The following ZNF726 variants were observed in gnomAD, a reference collection of about 807,000 sequenced individuals.
ZNF726 encodes the protein zinc finger protein 92 pseudogene 3.
ZNF726 carries 15 observed loss-of-function variants against 11.6 expected under a neutral mutation model. The observed-to-expected ratio is 1.29, with a 90% CI of 0.86 to 1.99. The LOEUF is 1.99. ZNF726 is among the 30% of genes most tolerant of loss of function. The pLI is 0.00. For synonymous variants in ZNF726, 295 were observed against 243.6 expected, an observed-to-expected ratio of 1.21 and a Z score of -1.96; for missense variants, 890 against 725.6, an observed-to-expected ratio of 1.23 and a Z score of -2.60.
Position 23,933,755 on chromosome 19 carries a change from A to C in ZNF726, c.1639A>C (p.Asn547His), listed in dbSNP as rs1968173890. The C allele has an allele frequency of 1.9e-6, 3 of 1,605,804 alleles. No homozygotes were observed. Among genetic ancestry groups the C allele is most frequent in the Non-Finnish European group, 2.5e-6 (3 of 1,179,380 alleles). ...ATGTGAAGAATGTGGCAAAACTTTT[A>C]ATCAATCCTCAAATCTTAGTACACA... ...YKCEECGKTFNQSSNLSTHKI... is the reference protein window; with the variant it reads ...YKCEECGKTFHQSSNLSTHKI... The change falls in exon 4 of 4, where the codon AAT (asparagine) becomes CAT (histidine). Residue 547 changes from asparagine to histidine, a missense_variant. Asn to His is a moderately conservative substitution (Grantham distance 68). Transcript: ENST00000594466.
At chr19:23,917,102 C>T (rs1163813615) in intron 1 of ZNF726, among the ~76,000 whole-genome samples, 1 of 152,096 alleles carries the variant, frequency 6.6e-6, no homozygotes. Flanking sequence ...AGGTGTGCAC[C>T]ACCACACCCA....
At chr19:23,927,328 G>T (rs537977288) in intron 3 of ZNF726, among the ~76,000 whole-genome samples, 11 of 152,052 alleles carry the variant, frequency 7.2e-5, no homozygotes, top group Admixed American at 2.6e-4. Context: ...AAAAATTAAT[G>T]TTTTTTTATT....
chr19:23,919,899 C>A (rs1967799060), intron 2 of ZNF726, 88 bp from the exon 3 acceptor site: 2 of 728,308 alleles, frequency 2.7e-6, no homozygotes, highest in Non-Finnish European at 4.1e-6. Context: ...TTAGAATATT[C>A]TATTATATCC....
rs752751268 is a variant in ZNF726, at chr19:23,919,476, A to T, written c.107A>T (p.Asn36Ile). 3.7e-6 allele frequency: 6 copies of T among 1,604,126 alleles called. No individual in the cohort carries two copies. The highest frequency in any genetic ancestry group is 5.1e-6 in the Non-Finnish European group (6 of 1,175,320). The change falls in exon 2 of 4, where the codon AAC (asparagine) becomes ATC (isoleucine). Residue 36 changes from asparagine (N) to isoleucine (I), a missense_variant. Coordinates refer to ENST00000594466, the MANE Select transcript of ZNF726 (RefSeq NM_001244038.2). ...TTATATAGGAATGTGATGTTAGAGAACTACAGAAACCTGGCCTTCCTGGGT... is the reference window on the plus strand; with the variant it reads ...TTATATAGGAATGTGATGTTAGAGATCTACAGAAACCTGGCCTTCCTGGGT... ...KNLYRNVMLE[N>I]YRNLAFLGIA...
rs1599445582 is a variant in ZNF726, at chr19:23,914,903, G to C, written c.-92G>C. The C allele has an allele frequency of 3.8e-6, 6 of 1,578,744 alleles. No individual in the cohort carries two copies. The highest frequency in any genetic ancestry group is 5.2e-6 in the Non-Finnish European group (6 of 1,158,266). ...GGGCCTTTGTCTCTATCTGCGGCCG[G>C]AGCTCCAGGTCTCGTCCTCACTACT... On this transcript the variant is annotated 5_prime_UTR_variant, in exon 1 of 4. Coordinates refer to ENST00000594466, the MANE Select transcript of ZNF726 (RefSeq NM_001244038.2).
chr19:23,941,671 G>A (rs574142981), intron 3 of ZNF726, among the ~76,000 whole-genome samples: 6 of 152,058 alleles, frequency 3.9e-5, no homozygotes, highest in African/African-American at 1.2e-4. Context: ...TCTGTTCAGG[G>A]TATCTAATTC....
chr19:23,935,164 G>A (rs543718940), downstream of ZNF726: 5 of 394,346 alleles, frequency 1.3e-5, no homozygotes, highest in Middle Eastern at 1.2e-3. Context: ...ATCCCCACAT[G>A]TTGTGGGGAG....
chr19:23,931,192 T>C (rs1359801666), intron 3 of ZNF726, among the ~76,000 whole-genome samples: 1 of 152,216 alleles, frequency 6.6e-6, no homozygotes, highest in African/African-American at 2.4e-5. Flanking sequence ...CAGGATGGTC[T>C]TGATCTCCTG....
intron 3 of ZNF726, chr19:23,923,291 A>T: frequency 3.1e-6 from 1 of 324,510 alleles, no homozygotes; most frequent in South Asian, 2.4e-5. Context: ...TAAAACATAA[A>T]AATTGGCATG....
intron 1 of ZNF726, 96 bp from the exon 2 acceptor site, chr19:23,919,277 A>T: frequency 6.5e-7 from 1 of 1,547,030 alleles, no homozygotes; most frequent in Non-Finnish European, 8.7e-7. Flanking sequence ...ATAAGTTAGA[A>T]TCAATTCTAT....
intron 3 of ZNF726, among the ~76,000 whole-genome samples, chr19:23,926,989 AT>A (rs1294170604): frequency 6.6e-6 from 1 of 152,082 alleles, no homozygotes; most frequent in East Asian, 1.9e-4. Flanking sequence ...AAAAATTATT[AT>A]TTTTTGAGAT....
downstream of ZNF726, among the ~76,000 whole-genome samples, chr19:23,936,848 T>C (rs970501584): frequency 2.0e-5 from 3 of 151,982 alleles, no homozygotes; most frequent in South Asian, 6.2e-4. Context: ...AAGTCTCCCA[T>C]GTCTACCTCT....
chr19:23,922,112 C>A (rs1215441920), intron 3 of ZNF726, among the ~76,000 whole-genome samples: 1 of 152,164 alleles, frequency 6.6e-6, no homozygotes, highest in Non-Finnish European at 1.5e-5. Context: ...GCACAAGGGT[C>A]CACTTTTAGT....
At chr19:23,915,056 G>C in intron 1 of ZNF726, 59 bp downstream of exon 1, 1 of 1,613,206 alleles carries the variant, frequency 6.2e-7, no homozygotes, top group Admixed American at 1.7e-5. Context: ...GAACCGGTGG[G>C]AAGCGGCAGT....
chr19:23,930,512 T>G (rs1249388372), intron 3 of ZNF726, among the ~76,000 whole-genome samples: 1 of 152,140 alleles, frequency 6.6e-6, no homozygotes, highest in Non-Finnish European at 1.5e-5. Flanking sequence ...TTTAAGACAT[T>G]GTGGAGCAAA....
intron 3 of ZNF726, among the ~76,000 whole-genome samples, chr19:23,931,525 TATG>T (rs1445991527): frequency 2.6e-5 from 4 of 152,210 alleles, no homozygotes; most frequent in African/African-American, 7.2e-5. Flanking sequence ...CAGAAAATTT[TATG>T]ATATTTTTGG....
In ZNF726 at chr19:23,933,115, G is replaced by C; in HGVS notation, c.999G>C (p.Arg333Ser). The stretch of plus-strand genomic sequence containing the variant: ...CCTCAACCCTAACTAGACATAAGAG[G>C]CTGCACAGTGGAGAGAAACCCTACA... ...VWSSTLTRHK[R>S]LHSGEKPYKC... Residue 333 changes from arginine (R) to serine (S), a missense_variant, in exon 4 of 4, where the codon AGG (arginine) becomes AGC (serine). Physicochemically the swap from Arg to Ser is moderately radical, Grantham distance 110. Coordinates refer to ENST00000594466, the MANE Select transcript of ZNF726 (RefSeq NM_001244038.2). The C allele has an allele frequency of 6.2e-7, 1 of 1,610,746 alleles. No homozygotes were observed. Among genetic ancestry groups the C allele is most frequent in the Non-Finnish European group, 8.5e-7 (1 of 1,179,604 alleles).
intron 3 of ZNF726, among the ~76,000 whole-genome samples, chr19:23,929,614 G>T (rs1968062307): frequency 6.6e-6 from 1 of 152,050 alleles, no homozygotes; most frequent in South Asian, 2.1e-4. Context: ...GTCTTGGGTT[G>T]GGACATGGGC....
chr19:23,925,420 C>G (rs149653087), intron 3 of ZNF726, among the ~76,000 whole-genome samples: 1,525 of 152,128 alleles, frequency 0.01, 28 homozygotes, highest in African/African-American at 0.035. Flanking sequence ...TCTCAAACTC[C>G]TGACGTCAGG....
Sources: allele counts gnomAD v4.1 joint callset (sites outside exome capture counted in the v4.1 genomes callset), GRCh38; gene constraint gnomAD v4.1.1; transcripts MANE v1.5; gene names NCBI Gene and HGNC (gene_info 2026-07-23, HGNC 2026-07-21).